The following SNTG1 variants were observed in gnomAD, a reference collection of about 807,000 sequenced individuals.
The protein encoded by SNTG1 is gamma-1-syntrophin.
In SNTG1, 39 loss-of-function variants were observed where a neutral mutation model predicts 74.7. The ratio of observed to expected loss-of-function variants is 0.52; its 90% confidence interval spans 0.40 to 0.68. The LOEUF (loss-of-function observed/expected upper bound fraction) is 0.68. SNTG1 is among the 30% of genes least tolerant of loss of function. The pLI, the probability that SNTG1 is intolerant of heterozygous loss-of-function variation, is 0.00. For synonymous variants in SNTG1, 254 were observed against 217.1 expected, an observed-to-expected ratio of 1.17 and a Z score of -1.49; for missense variants, 685 against 609.5, an observed-to-expected ratio of 1.12 and a Z score of -1.30.
At chr8:50,122,082 C>A in intron 1 of SNTG1, among the ~76,000 whole-genome samples, 1 of 140,624 alleles carries the variant, frequency 7.1e-6, no homozygotes, top group Non-Finnish European at 1.6e-5. Flanking sequence ...CTCGATGCCC[C>A]CTGCCTTGGT....
intron 2 of SNTG1, among the ~76,000 whole-genome samples, chr8:50,342,767 G>C (rs1427996868): frequency 1.3e-5 from 2 of 152,142 alleles, no homozygotes; most frequent in African/African-American, 4.8e-5. Context: ...CACCATAGTA[G>C]TATTTATATA....
At chr8:50,642,042 C>G (rs2095076865) in intron 13 of SNTG1, among the ~76,000 whole-genome samples, 1 of 152,186 alleles carries the variant, frequency 6.6e-6, no homozygotes, top group Admixed American at 6.5e-5. Flanking sequence ...AAAATAACCA[C>G]AGTCTTGAAA....
intron 18 of SNTG1, among the ~76,000 whole-genome samples, chr8:50,774,132 A>G (rs4487794): frequency 0.95 from 143,922 of 151,934 alleles, 68,261 homozygotes; most frequent in East Asian, 1. Context: ...AAGTCTCTAT[A>G]ACAGCATAAG....
intron 17 of SNTG1, among the ~76,000 whole-genome samples, chr8:50,725,182 G>A (rs1385402715): frequency 2.0e-5 from 3 of 152,062 alleles, no homozygotes; most frequent in Non-Finnish European, 2.9e-5. Flanking sequence ...TTATTTGGGC[G>A]ACGTTTTGTT....
At chr8:50,426,526 A>C (rs1351085667) in intron 4 of SNTG1, among the ~76,000 whole-genome samples, 2 of 151,798 alleles carry the variant, frequency 1.3e-5, no homozygotes, top group African/African-American at 4.8e-5. Context: ...ACAGCTATAC[A>C]ATGTGTTTGT....
At position 50,114,451 on chromosome 8, in the gene SNTG1, A is replaced by G. The variant is rs2080732764; in HGVS notation, c.-102-58110A>G. ...AGAAAAACAAATGCTGTACAATATC[A>G]CTTATTTGAGAAATTTTAAAAAGTC... is the stretch of plus-strand genomic sequence containing the variant. On this transcript the variant is annotated intron_variant, in intron 1 of 18. Transcript: ENST00000642720. Among the ~76,000 whole-genome samples, 3 of 152,156 alleles carry G rather than the reference A, an allele frequency of 2.0e-5. No homozygotes were observed. The South Asian group carries it at 6.2e-4, about 31-fold the overall frequency.
At chr8:50,015,870 G>T (rs1345373857) in intron 1 of SNTG1, among the ~76,000 whole-genome samples, 2 of 152,132 alleles carry the variant, frequency 1.3e-5, no homozygotes, top group Non-Finnish European at 2.9e-5. Context: ...TAGTCGGTTG[G>T]CAAGAGGTCA....
chr8:50,087,928 C>G (rs1369105611), intron 1 of SNTG1, among the ~76,000 whole-genome samples: 1 of 108,824 alleles, frequency 9.2e-6, no homozygotes, highest in East Asian at 3.3e-4. Context: ...TTATCCCTCC[C>G]CCCTCCCCCC....
At chr8:50,013,001 ACT>A (rs1258428274) in intron 1 of SNTG1, among the ~76,000 whole-genome samples, 2 of 152,122 alleles carry the variant, frequency 1.3e-5, no homozygotes, top group Non-Finnish European at 2.9e-5. Flanking sequence ...GCTGAATCCT[ACT>A]TCTAAGAGTT....
At chr8:50,077,915 G>A (rs1448002180) in intron 1 of SNTG1, among the ~76,000 whole-genome samples, 2 of 152,108 alleles carry the variant, frequency 1.3e-5, no homozygotes, top group Middle Eastern at 3.2e-3. Context: ...AATTGAGTTG[G>A]TATTTTTATG....
intron 13 of SNTG1, among the ~76,000 whole-genome samples, chr8:50,591,529 T>G (rs1585781177): frequency 6.6e-6 from 1 of 152,210 alleles, no homozygotes; most frequent in South Asian, 2.1e-4. Flanking sequence ...TCAGTTCCCC[T>G]ATGTGCAACA....
chr8:50,581,265 C>T (rs971144430), intron 12 of SNTG1, among the ~76,000 whole-genome samples: 1 of 152,144 alleles, frequency 6.6e-6, no homozygotes, highest in Non-Finnish European at 1.5e-5. Context: ...AGGTAGATCA[C>T]TTGCAGAAGT....
chr8:50,621,082 G>T (rs1486127138), intron 13 of SNTG1, among the ~76,000 whole-genome samples: 2 of 146,222 alleles, frequency 1.4e-5, no homozygotes, highest in African/African-American at 2.6e-5. Context: ...TTTTTTTTGA[G>T]ATGTGGTTAG....
rs532521164 is a variant in SNTG1 at position 49,984,541 on chromosome 8, AT to A, written c.-103+72311del. Among the ~76,000 whole-genome samples, 19 of 152,346 alleles carry A rather than the reference AT, an allele frequency of 1.2e-4. No individual in the cohort carries two copies. The East Asian group carries it at 3.5e-3, about 28-fold the overall frequency. On this transcript the variant is annotated intron_variant, in intron 1 of 18. Transcript: ENST00000642720. ...AAATATAAATTATTTCCAGTATCAA[AT>A]GAATGACTTGAGATATAAAATTTTC...
rs946423396 is a variant in SNTG1, at chr8:50,227,971, G to C, written c.-28+55336G>C. ...CACCATTATAAGCAAAACACAGTCT[G>C]AAGAGACAAATCAAAAATTAAAATA... On this transcript the variant is annotated intron_variant, in intron 2 of 18. Transcript: ENST00000642720. Among the ~76,000 whole-genome samples, 3 of 146,370 alleles carry C rather than the reference G, an allele frequency of 2.0e-5. No individual in the cohort carries two copies. The East Asian group carries it at 6.0e-4, about 29-fold the overall frequency.
intron 1 of SNTG1, among the ~76,000 whole-genome samples, chr8:49,928,145 T>TA (rs1554522307): frequency 1.4e-4 from 20 of 138,120 alleles, no homozygotes; most frequent in African/African-American, 5.3e-4. Context: ...TCTCAAAAAA[T>TA]AATAAATAAA....
intron 4 of SNTG1, among the ~76,000 whole-genome samples, chr8:50,438,176 G>T (rs891190485): frequency 9.2e-5 from 14 of 152,098 alleles, no homozygotes; most frequent in African/African-American, 3.4e-4. Context: ...TTGCCTCTGA[G>T]TTACTTTTAT....
chr8:50,259,570 A>AAGAG (rs1203816171), intron 2 of SNTG1, among the ~76,000 whole-genome samples: 7 of 148,756 alleles, frequency 4.7e-5, no homozygotes, highest in African/African-American at 1.7e-4. Flanking sequence ...GAAAGAAAGA[A>AAGAG]AGAGAAAATA....
intron 4 of SNTG1, among the ~76,000 whole-genome samples, chr8:50,413,952 G>C (rs141208455): frequency 1.3e-5 from 2 of 151,980 alleles, no homozygotes; most frequent in African/African-American, 2.4e-5. Flanking sequence ...TTTACATCAC[G>C]ATTATACATT....
Sources: gnomAD v4.1 joint callset for allele counts (sites outside exome capture counted in the v4.1 genomes callset) on GRCh38, gnomAD v4.1.1 for gene constraint, MANE v1.5 for transcripts, NCBI Gene and HGNC (gene_info 2026-07-23, HGNC 2026-07-21) for gene names.